Variants in SSH2 observed in about 807,000 individuals in gnomAD.
SSH2 encodes slingshot protein phosphatase 2.
SSH2 carries 37 observed loss-of-function variants against 135.2 expected under a neutral mutation model. That is an observed-to-expected ratio of 0.27 (90% CI 0.21 to 0.36). The LOEUF (loss-of-function observed/expected upper bound fraction) is 0.36. Among genes scored for constraint, SSH2 ranks in the 10% least tolerant of loss-of-function variants. SSH2 has a pLI of 1.00. For missense variants in SSH2, 1,408 were observed against 1,765.3 expected (o/e 0.80, Z 3.63); for synonymous variants, 628 against 646.2 (o/e 0.97, Z 0.43).
intron 3 of SSH2, among the ~76,000 whole-genome samples, chr17:29,738,797 G>GCC (rs1043955171): frequency 3.3e-5 from 5 of 151,766 alleles, no homozygotes; most frequent in Non-Finnish European, 7.4e-5. Flanking sequence ...CTTGTGATCC[G>GCC]CCCGCCCCGG....
intron 2 of SSH2, among the ~76,000 whole-genome samples, chr17:29,839,379 G>A (rs1374937771): frequency 1.3e-5 from 2 of 152,198 alleles, no homozygotes; most frequent in African/African-American, 4.8e-5. Context: ...GGCGCCATTG[G>A]CCACAGAGGT....
intron 3 of SSH2, among the ~76,000 whole-genome samples, chr17:29,746,887 T>A (rs1157667137): frequency 6.6e-6 from 1 of 152,202 alleles, no homozygotes; most frequent in East Asian, 1.9e-4. Flanking sequence ...GCTGGGGTGA[T>A]GAAGTATGCT....
chr17:29,702,352 CA>C (rs71138842), intron 4 of SSH2, among the ~76,000 whole-genome samples: 134,115 of 141,156 alleles, frequency 0.95, 63,670 homozygotes, highest in East Asian at 0.99. Flanking sequence ...GAGTCTGTCT[CA>C]AAAAAAAAAA....
rs778767171 is a variant in SSH2 at position 29,671,965 on chromosome 17, C to T, written c.779G>A (p.Arg260Gln). ...GGTGAAGAGAGCTGGAGAGTCGGGC[C>T]GGTGGGACTGTACATCTTGCATTGC... ...WNAMQDVQSH[R>Q]PDSPALFTDI... The change falls in exon 9 of 16, where the codon CGG becomes CAG. Residue 260 changes from arginine (R) to glutamine (Q), a missense_variant. Physicochemically the swap from Arg to Gln is conservative, Grantham distance 43 (BLOSUM62 1). Coordinates refer to ENST00000540801, the MANE Select transcript of SSH2 (RefSeq NM_001282129.2). 7.4e-6 allele frequency: 12 copies of T among 1,613,806 alleles called. No individual in the cohort carries two copies. The highest frequency in any genetic ancestry group is 1.0e-5 in the Non-Finnish European group (12 of 1,179,824).
At chr17:29,762,376 G>T (rs577825061) in intron 3 of SSH2, among the ~76,000 whole-genome samples, 22 of 152,256 alleles carry the variant, frequency 1.4e-4, no homozygotes, top group African/African-American at 5.3e-4. Flanking sequence ...TGCCCAGGCT[G>T]CACCTTAATA....
At chr17:29,743,509 A>C (rs550041247) in intron 3 of SSH2, among the ~76,000 whole-genome samples, 21 of 152,306 alleles carry the variant, frequency 1.4e-4, no homozygotes, top group African/African-American at 4.8e-4. Context: ...CAAGCATCTA[A>C]AGTAGCAACA....
intron 5 of SSH2, among the ~76,000 whole-genome samples, chr17:29,687,718 T>G (rs2038284124): frequency 6.6e-6 from 1 of 152,148 alleles, no homozygotes; most frequent in Admixed American, 6.5e-5. Flanking sequence ...TATTTGGGCC[T>G]CCCTTGGCCC....
chr17:29,868,716 C>T (rs960855269), intron 1 of SSH2, among the ~76,000 whole-genome samples: 1 of 144,122 alleles, frequency 6.9e-6, no homozygotes, highest in African/African-American at 2.6e-5. Flanking sequence ...CCAGGCTGGT[C>T]GACAGAGCAA....
At chr17:29,676,986 C>T (rs991414120) in intron 7 of SSH2, 101 bp from the exon 8 acceptor site, 14 of 919,220 alleles carry the variant, frequency 1.5e-5, no homozygotes, top group Admixed American at 6.1e-5. Context: ...CAACTGGCTC[C>T]GTAGAGGGAA....
intron 1 of SSH2, among the ~76,000 whole-genome samples, chr17:29,927,842 C>A (rs1200108545): frequency 6.6e-6 from 1 of 152,080 alleles, no homozygotes; most frequent in Non-Finnish European, 1.5e-5. Context: ...AATAACCAGG[C>A]TAGTAGATAT....
chr17:29,837,238 C>T (rs774342400), intron 2 of SSH2, among the ~76,000 whole-genome samples: 20 of 148,602 alleles, frequency 1.3e-4, no homozygotes, highest in Non-Finnish European at 2.4e-4. Context: ...GCCTAGGTGA[C>T]GCAACAGAGT....
At chr17:29,809,657 G>A (rs976256749) in intron 2 of SSH2, among the ~76,000 whole-genome samples, 2 of 152,066 alleles carry the variant, frequency 1.3e-5, no homozygotes, top group Admixed American at 1.3e-4. Context: ...CTAGGTTCAA[G>A]AGATTCCCCC....
At chr17:29,861,864 T>G (rs1268374117) in intron 1 of SSH2, among the ~76,000 whole-genome samples, 2 of 152,190 alleles carry the variant, frequency 1.3e-5, no homozygotes, top group East Asian at 3.8e-4. Flanking sequence ...AATCTTCGTC[T>G]TTGAAGGCTT....
chr17:29,723,758 T>G (rs114126962), intron 3 of SSH2, among the ~76,000 whole-genome samples: 3,336 of 152,252 alleles, frequency 0.022, 121 homozygotes, highest in African/African-American at 0.075. Flanking sequence ...AAAGCCCACA[T>G]TTGTCATACA....
chr17:29,676,925 G>A, intron 7 of SSH2, 40 bp from the exon 8 acceptor site: 2 of 1,555,522 alleles, frequency 1.3e-6, no homozygotes, highest in Non-Finnish European at 1.8e-6. Context: ...CCACAAATTA[G>A]GGTAGGTTAT....
chr17:29,871,540 A>C (rs1233375384), intron 1 of SSH2, among the ~76,000 whole-genome samples: 1 of 152,234 alleles, frequency 6.6e-6, no homozygotes, highest in African/African-American at 2.4e-5. Flanking sequence ...GTCAGTGTGG[A>C]ATAAAGATAC....
chr17:29,849,017 TG>T, intron 1 of SSH2, 88 bp from the exon 2 acceptor site: 1 of 804,952 alleles, frequency 1.2e-6, no homozygotes. Context: ...ACTGAGTCAG[TG>T]GTGTTAGCTC....
At chr17:29,648,113 G>A in intron 14 of SSH2, 31 bp downstream of exon 14, 8 of 1,601,396 alleles carry the variant, frequency 5.0e-6, no homozygotes, top group Non-Finnish European at 6.8e-6. Flanking sequence ...AACTTAAAAG[G>A]AGGGAGAATT....
In SSH2 at chr17:29,664,607, C is replaced by T. The variant is rs546817293; in HGVS notation, c.1032+2260G>A. The stretch of plus-strand genomic sequence containing the variant: ...CTCCCAGGCTCAGGTGATTCTCCTG[C>T]TTTGGCCACCCCAAGTGCTGGGATT... On this transcript the variant is annotated intron_variant, in intron 11 of 15. Coordinates refer to ENST00000540801, the MANE Select transcript of SSH2 (RefSeq NM_001282129.2). Among the ~76,000 whole-genome samples the T allele has an allele frequency of 2.6e-5, 4 of 152,184 alleles. No individual in the cohort carries two copies. The South Asian group carries it at 8.3e-4, about 32-fold the overall frequency.
Sources: allele counts gnomAD v4.1 joint callset (sites outside exome capture counted in the v4.1 genomes callset), GRCh38; gene constraint gnomAD v4.1.1; transcripts MANE v1.5; gene names NCBI Gene and HGNC (gene_info 2026-07-23, HGNC 2026-07-21).